The following GRID1 variants were observed in gnomAD, a reference collection of about 807,000 sequenced individuals.
The protein encoded by GRID1 is glutamate ionotropic receptor delta type subunit 1.
In GRID1, 28 loss-of-function variants were observed where a neutral mutation model predicts 98.0. The ratio of observed to expected loss-of-function variants is 0.29; its 90% CI spans 0.21 to 0.39. The LOEUF is 0.39. GRID1 is among the 10% of genes least tolerant of loss of function. The pLI is 1.00. For missense variants in GRID1, 1,111 were observed against 1,340.5 expected, an observed-to-expected ratio of 0.83 and a Z score of 2.67; for synonymous variants, 553 against 538.5, an observed-to-expected ratio of 1.03 and a Z score of -0.37.
chr10:86,231,017 C>G (rs1846443479), intron 2 of GRID1, among the ~76,000 whole-genome samples: 1 of 152,228 alleles, frequency 6.6e-6, no homozygotes, highest in South Asian at 2.1e-4. Context: ...CCAGGCCTCT[C>G]AGCACTGGGC....
chr10:85,621,704 A>G (rs1163151875), intron 13 of GRID1, among the ~76,000 whole-genome samples: 2 of 152,196 alleles, frequency 1.3e-5, no homozygotes, highest in African/African-American at 2.4e-5. Flanking sequence ...ATCCAATTTC[A>G]GAAGTCCTAA....
At position 86,041,359 on chromosome 10, in the gene GRID1, G is replaced by T. The variant is rs576184321; in HGVS notation, c.726+97460C>A. ...GCTTGCACCATTACTGCCTCCAAGG[G>T]CTTAGGGAGAAATGCAAGCATGTTT... is the stretch of plus-strand genomic sequence containing the variant. On this transcript the variant is annotated intron_variant, in intron 4 of 15. Coordinates refer to ENST00000327946, the MANE Select transcript of GRID1 (RefSeq NM_017551.3). Among the ~76,000 whole-genome samples, 7 of 152,298 alleles carry T rather than the reference G, an allele frequency of 4.6e-5. 1 individual carries two copies. The highest frequency in any genetic ancestry group is 7.3e-5 in the Non-Finnish European group (5 of 68,032).
intron 13 of GRID1, among the ~76,000 whole-genome samples, chr10:85,634,291 T>TCTCTCTCTCTCTCTCTCTCTCTTA (rs1162030685): frequency 9.7e-6 from 1 of 102,952 alleles, no homozygotes. Flanking sequence ...TCTCTCTCTC[T>TCTCTCTCTCTCTCTCTCTCTCTTA]CACACACACA....
chr10:85,662,749 ACCATGCCG>A (rs1273790893), intron 12 of GRID1, among the ~76,000 whole-genome samples: 2 of 152,024 alleles, frequency 1.3e-5, no homozygotes, highest in Non-Finnish European at 2.9e-5. Context: ...CACCATATCC[ACCATGCCG>A]CCATGAAAAG....
At chr10:86,098,317 A>G (rs1589370405) in intron 4 of GRID1, among the ~76,000 whole-genome samples, 3 of 152,350 alleles carry the variant, frequency 2.0e-5, no homozygotes, top group South Asian at 4.1e-4. Context: ...TAGTTGTAAT[A>G]AAATATGTGC....
chr10:86,069,052 G>A lies in GRID1; in HGVS notation c.726+69767C>T, dbSNP rs139466620. 2.0e-3 allele frequency among the ~76,000 whole-genome samples: 297 copies of A among 152,182 alleles called. 1 individual carries two copies. The highest frequency in any genetic ancestry group is 6.9e-3 in the African/African-American group (287 of 41,528). ...TTTCCTGGAGAAGCTGTGGGAAGGG[G>A]GAGTATATGCAGACTGCTGGGGAAG... On this transcript the variant is annotated intron_variant, in intron 4 of 15. Transcript: ENST00000327946.
intron 2 of GRID1, among the ~76,000 whole-genome samples, chr10:86,247,200 G>T (rs1447582365): frequency 6.6e-6 from 1 of 151,940 alleles, no homozygotes; most frequent in Non-Finnish European, 1.5e-5. Context: ...TGGATGGGTG[G>T]GTAGATGAAT....
At chr10:86,270,543 A>G (rs1847169179) in intron 2 of GRID1, among the ~76,000 whole-genome samples, 1 of 152,088 alleles carries the variant, frequency 6.6e-6, no homozygotes, top group Admixed American at 6.6e-5. Context: ...CACAAAAATT[A>G]GCCAGGTGTG....
intron 3 of GRID1, among the ~76,000 whole-genome samples, chr10:86,186,250 C>T (rs1007827739): frequency 3.9e-5 from 6 of 152,158 alleles, no homozygotes; most frequent in Admixed American, 6.5e-5. Context: ...CCTCTCACAT[C>T]TATAGTGATG....
At chr10:85,940,879 C>T (rs900633359) in intron 4 of GRID1, among the ~76,000 whole-genome samples, 11 of 152,164 alleles carry the variant, frequency 7.2e-5, no homozygotes, top group African/African-American at 2.4e-4. Flanking sequence ...GAGAAGAGAC[C>T]GAGGCAGGGG....
At chr10:86,063,899 T>C (rs1473744200) in intron 4 of GRID1, among the ~76,000 whole-genome samples, 2 of 152,122 alleles carry the variant, frequency 1.3e-5, no homozygotes, top group East Asian at 3.9e-4. Context: ...CAGGCCTAAG[T>C]ATAGAGATGA....
intron 2 of GRID1, among the ~76,000 whole-genome samples, chr10:86,221,929 G>A (rs557096050): frequency 7.1e-6 from 1 of 141,336 alleles, no homozygotes; most frequent in South Asian, 2.4e-4. Context: ...CACCCGGAAG[G>A]AACAGGGGTA....
intron 8 of GRID1, among the ~76,000 whole-genome samples, chr10:85,767,626 G>A (rs1842210649): frequency 6.6e-6 from 1 of 152,150 alleles, no homozygotes; most frequent in Non-Finnish European, 1.5e-5. Flanking sequence ...TCAGGGAGAT[G>A]GAAAAGGGGC....
chr10:85,603,752 G>A (rs950281616), intron 15 of GRID1, among the ~76,000 whole-genome samples: 3 of 152,090 alleles, frequency 2.0e-5, no homozygotes, highest in Non-Finnish European at 4.4e-5. Context: ...GTGCTGATGC[G>A]CCAGGGAATG....
At chr10:85,767,882 G>C (rs1267360040) in intron 8 of GRID1, among the ~76,000 whole-genome samples, 1 of 152,192 alleles carries the variant, frequency 6.6e-6, no homozygotes, top group African/African-American at 2.4e-5. Flanking sequence ...TATGGCTGGT[G>C]CCACAGCTAT....
intron 2 of GRID1, among the ~76,000 whole-genome samples, chr10:86,248,850 G>C (rs1846775874): frequency 6.6e-6 from 1 of 152,168 alleles, no homozygotes; most frequent in East Asian, 1.9e-4. Context: ...TAGGAATACA[G>C]TGCCCAGCCT....
intron 8 of GRID1, among the ~76,000 whole-genome samples, chr10:85,772,050 A>G (rs1842274867): frequency 6.6e-6 from 1 of 152,178 alleles, no homozygotes; most frequent in Non-Finnish European, 1.5e-5. Context: ...CACCTATTCC[A>G]AAATTGACCA....
chr10:86,080,880 A>C (rs1843968578), intron 4 of GRID1, among the ~76,000 whole-genome samples: 1 of 152,196 alleles, frequency 6.6e-6, no homozygotes, highest in South Asian at 2.1e-4. Context: ...CACCAACTCC[A>C]ACCATCTCTG....
chr10:86,317,826 G>A (rs116428765), intron 2 of GRID1, among the ~76,000 whole-genome samples: 1 of 152,036 alleles, frequency 6.6e-6, no homozygotes, highest in African/African-American at 2.4e-5. Context: ...TTGCAGCCTT[G>A]ACCTCCTAAG....
Sources: gnomAD v4.1 joint callset for allele counts (sites outside exome capture counted in the v4.1 genomes callset) on GRCh38, gnomAD v4.1.1 for gene constraint, MANE v1.5 for transcripts, NCBI Gene and HGNC (gene_info 2026-07-23, HGNC 2026-07-21) for gene names.